Variants in NFIA observed in about 807,000 individuals in gnomAD.
The protein encoded by NFIA is nuclear factor 1 A-type.
A neutral mutation model predicts 62.8 loss-of-function variants in NFIA; 8 were observed. That is an observed-to-expected ratio of 0.13 (90% CI 0.07 to 0.23). The LOEUF is 0.23. NFIA is among the 10% of genes least tolerant of loss of function. The pLI, the probability that NFIA is intolerant of heterozygous loss-of-function variation, is 1.00. For synonymous variants in NFIA, 235 were observed against 238.1 expected (o/e 0.99, Z 0.12); for missense variants, 410 against 642.1 (o/e 0.64, Z 3.91).
chr1:61,429,727 TACTC>T (rs1032276086), intron 10 of NFIA, among the ~76,000 whole-genome samples: 3 of 152,356 alleles, frequency 2.0e-5, no homozygotes, highest in Admixed American at 6.5e-5. Context: ...AATGGAATAT[TACTC>T]AGCCTTTAAA....
rs1393939878 is a variant in NFIA, at chr1:61,458,461, A to G, written c.*3141A>G. 6.6e-6 allele frequency: 1 copy of G among 152,148 alleles called. No homozygotes were observed. The highest frequency in any genetic ancestry group is 1.5e-5 in the Non-Finnish European group (1 of 68,016). The allele number at this position is 152,148 out of a possible 1,614,324, so 9.4% of individuals were successfully genotyped here. A position where few individuals can be genotyped will look rare whatever the true frequency, so the allele number is the denominator to read the frequency against. ...AGAATAAACTGCCCGCTCAGAAGAT[A>G]TGTAATTTGTATTGTTGTATAGTTT... is the stretch of plus-strand genomic sequence containing the variant. On this transcript the variant is annotated 3_prime_UTR_variant, in exon 11 of 11. Transcript: ENST00000403491.
intron 10 of NFIA, among the ~76,000 whole-genome samples, chr1:61,453,362 A>G (rs1384548097): frequency 1.3e-5 from 2 of 149,272 alleles, no homozygotes; most frequent in South Asian, 2.2e-4. Context: ...AATAAAGCCT[A>G]TTTCAGTGAA....
At chr1:61,078,482 A>AG (rs1287290465), upstream of NFIA, among the ~76,000 whole-genome samples, 5 of 152,228 alleles carry the variant, frequency 3.3e-5, no homozygotes, top group Admixed American at 3.3e-4. Flanking sequence ...GTGGGACTGT[A>AG]GTGAGCTTTG....
chr1:61,408,266 C>A (rs1665942281), intron 9 of NFIA, among the ~76,000 whole-genome samples: 1 of 152,236 alleles, frequency 6.6e-6, no homozygotes, highest in South Asian at 2.1e-4. Context: ...GACAGAGAAG[C>A]AAGCTGGGCT....
intron 2 of NFIA, among the ~76,000 whole-genome samples, chr1:61,214,024 A>G (rs1351470274): frequency 6.6e-6 from 1 of 152,202 alleles, no homozygotes; most frequent in Non-Finnish European, 1.5e-5. Context: ...CGTCGGAAGT[A>G]TAGGAGTTTG....
At chr1:61,233,444 A>T (rs1358393396) in intron 2 of NFIA, among the ~76,000 whole-genome samples, 1 of 152,206 alleles carries the variant, frequency 6.6e-6, no homozygotes, top group African/African-American at 2.4e-5. Flanking sequence ...TAAGCTATTT[A>T]AAAAGGCCTG....
chr1:61,397,375 A>G (rs976473640), intron 7 of NFIA, among the ~76,000 whole-genome samples: 1 of 152,120 alleles, frequency 6.6e-6, no homozygotes, highest in Non-Finnish European at 1.5e-5. Context: ...TGCTGATAGT[A>G]TATACTATTT....
intron 2 of NFIA, among the ~76,000 whole-genome samples, chr1:61,199,093 C>T (rs1403284188): frequency 1.3e-5 from 2 of 152,044 alleles, no homozygotes; most frequent in African/African-American, 4.8e-5. Context: ...GTGGCTGGTA[C>T]CCTTCAGTAG....
intron 7 of NFIA, among the ~76,000 whole-genome samples, chr1:61,398,088 C>T (rs547955550): frequency 6.6e-6 from 1 of 152,308 alleles, no homozygotes; most frequent in Non-Finnish European, 1.5e-5. Context: ...CTATTGGGCC[C>T]ACAGATCCAA....
chr1:61,098,341 G>T (rs969233031), intron 2 of NFIA, among the ~76,000 whole-genome samples: 3 of 152,108 alleles, frequency 2.0e-5, no homozygotes, highest in African/African-American at 7.2e-5. Flanking sequence ...TAAGAACTTG[G>T]CAAAAGCTTA....
intron 2 of NFIA, among the ~76,000 whole-genome samples, chr1:61,188,402 A>T (rs1164986005): frequency 6.6e-6 from 1 of 152,186 alleles, no homozygotes; most frequent in East Asian, 1.9e-4. Flanking sequence ...AGAAAGAGGT[A>T]TGCTGGGAAC....
chr1:61,365,857 TATC>T (rs1253684194), intron 6 of NFIA, among the ~76,000 whole-genome samples: 2 of 152,142 alleles, frequency 1.3e-5, no homozygotes, highest in African/African-American at 4.8e-5. Context: ...TCACGTGAAA[TATC>T]ATCATTAGGA....
intron 2 of NFIA, among the ~76,000 whole-genome samples, chr1:61,141,729 A>G (rs905086065): frequency 6.6e-6 from 1 of 152,198 alleles, no homozygotes; most frequent in Non-Finnish European, 1.5e-5. Context: ...GACCTGTTTC[A>G]TTTCCACACC....
intron 1 of NFIA, 94 bp downstream of exon 1, chr1:61,082,912 C>G (rs1271308013): frequency 4.4e-6 from 5 of 1,139,802 alleles, no homozygotes; most frequent in Non-Finnish European, 5.6e-6. Context: ...TCGCTCCGGC[C>G]GGGCCCAGGG....
At chr1:61,385,643 G>A (rs1664641247) in intron 7 of NFIA, among the ~76,000 whole-genome samples, 2 of 152,090 alleles carry the variant, frequency 1.3e-5, no homozygotes, top group African/African-American at 4.8e-5. Flanking sequence ...AGAAATTACT[G>A]TCATGGGCAC....
At chr1:61,255,621 G>C (rs1276626803) in intron 2 of NFIA, among the ~76,000 whole-genome samples, 4 of 152,154 alleles carry the variant, frequency 2.6e-5, no homozygotes, top group Non-Finnish European at 5.9e-5. Context: ...CTTTGTGGGA[G>C]ACTCAAAATC....
At chr1:61,208,717 G>T (rs1213509571) in intron 2 of NFIA, among the ~76,000 whole-genome samples, 3 of 152,120 alleles carry the variant, frequency 2.0e-5, no homozygotes, top group Non-Finnish European at 4.4e-5. Flanking sequence ...TATTATTCTT[G>T]TATTAACAAG....
intron 2 of NFIA, among the ~76,000 whole-genome samples, chr1:61,249,608 C>A (rs994313226): frequency 6.6e-6 from 1 of 152,152 alleles, no homozygotes; most frequent in Non-Finnish European, 1.5e-5. Flanking sequence ...TGACACTAGC[C>A]TGGCCTCAAA....
At chr1:61,444,073 T>C (rs973316266) in intron 10 of NFIA, among the ~76,000 whole-genome samples, 1 of 152,182 alleles carries the variant, frequency 6.6e-6, no homozygotes, top group African/African-American at 2.4e-5. Flanking sequence ...CATAACTTAA[T>C]CTTCAAGGCA....
Sources: allele counts gnomAD v4.1 joint callset (sites outside exome capture counted in the v4.1 genomes callset), GRCh38; gene constraint gnomAD v4.1.1; transcripts MANE v1.5; gene names NCBI Gene and HGNC (gene_info 2026-07-23, HGNC 2026-07-21).